The following EML1 variants were observed in gnomAD, a reference collection of about 807,000 sequenced individuals.
The protein encoded by EML1 is echinoderm microtubule-associated protein-like 1.
A neutral mutation model predicts 110.4 loss-of-function variants in EML1; 27 were observed. The observed-to-expected ratio is 0.24, with a 90% CI of 0.18 to 0.34. EML1 has a LOEUF of 0.34. EML1 is among the 10% of genes least tolerant of loss of function. The pLI is 1.00. For synonymous variants in EML1, 344 were observed against 385.8 expected, an observed-to-expected ratio of 0.89 and a Z score of 1.27; for missense variants, 741 against 1,030.9, an observed-to-expected ratio of 0.72 and a Z score of 3.85.
chr14:99,826,091 G>T (rs868000775), intron 1 of EML1, among the ~76,000 whole-genome samples: 3 of 146,986 alleles, frequency 2.0e-5, no homozygotes, highest in Non-Finnish European at 4.5e-5. Flanking sequence ...TTTAAAGTCT[G>T]CTTCTGTGCA....
In EML1 at chr14:99,897,205, C is replaced by A. The variant is rs146448225; in HGVS notation, c.738C>A (p.Thr246=). 6.2e-7 allele frequency: 1 copy of A among 1,612,638 alleles called. No individual in the cohort carries two copies. Among genetic ancestry groups the A allele is most frequent in the African/African-American group, 1.3e-5 (1 of 74,742 alleles). Residue 246 remains threonine, a synonymous_variant, in exon 7 of 22, where the codon ACC becomes ACA. Coordinates refer to ENST00000262233, the MANE Select transcript of EML1 (RefSeq NM_004434.3). ...NNLYLLPTGE[T]VYFIASVVVL... ...TGTACTTGCTTCCGACGGGAGAGACCGTCTACTTCATCGCATCCGTGGTGG... is the reference window on the plus strand; with the variant it reads ...TGTACTTGCTTCCGACGGGAGAGACAGTCTACTTCATCGCATCCGTGGTGG...
intron 1 of EML1, among the ~76,000 whole-genome samples, chr14:99,802,872 A>G (rs577454706): frequency 1.3e-5 from 2 of 152,238 alleles, no homozygotes; most frequent in African/African-American, 4.8e-5. Context: ...GCCTCCTGCA[A>G]GACAGATCCA....
chr14:99,817,174 A>C (rs768972639), intron 1 of EML1, among the ~76,000 whole-genome samples: 3 of 152,136 alleles, frequency 2.0e-5, no homozygotes, highest in Non-Finnish European at 4.4e-5. Context: ...GGCTTACTAC[A>C]TTCATTTTTT....
At chr14:99,804,236 C>T (rs752876463) in intron 1 of EML1, among the ~76,000 whole-genome samples, 7 of 152,134 alleles carry the variant, frequency 4.6e-5, no homozygotes, top group East Asian at 1.9e-4. Flanking sequence ...TCTTACGCCA[C>T]GGAGTTATTT....
chr14:99,856,289 A>G (rs1330699262), intron 2 of EML1, among the ~76,000 whole-genome samples: 3 of 151,968 alleles, frequency 2.0e-5, no homozygotes, highest in African/African-American at 7.3e-5. Flanking sequence ...ATTAAACCAA[A>G]TATTTAAAAC....
chr14:99,917,743 A>G lies in EML1; in HGVS notation c.1753-39A>G, dbSNP rs375164932. The G allele has an allele frequency of 5.2e-5, 83 of 1,601,918 alleles. No individual in the cohort carries two copies. The African/African-American group carries it at 9.9e-4, about 19-fold the overall frequency. On this transcript the variant is annotated intron_variant, in intron 15 of 21. Transcript: ENST00000262233. ...TGTGTGTTTTATGCTATAGTGTTCT[A>G]TCTGTTCATCAATTTACACTTCCTT... is the stretch of plus-strand genomic sequence containing the variant.
rs891138940 is a variant in EML1, at chr14:99,909,551, G to C, written c.1239+72G>C. On this transcript the variant is annotated intron_variant, in intron 11 of 21. Transcript: ENST00000262233. ...GATTGGCTAGATGCATCTCTCTGGG[G>C]GCTCTGGTGATCAACACAATCCCTT... The C allele has an allele frequency of 1.5e-5, 24 of 1,588,342 alleles. No homozygotes were observed. The African/African-American group carries it at 2.3e-4, about 15-fold the overall frequency.
At chr14:99,828,895 C>T (rs537336799) in intron 1 of EML1, among the ~76,000 whole-genome samples, 16 of 152,194 alleles carry the variant, frequency 1.1e-4, no homozygotes, top group African/African-American at 3.1e-4. Context: ...TCTTCATCCT[C>T]GTCGTCTTCA....
chr14:99,758,273 C>T (rs1184767606), intron 1 of EML1, among the ~76,000 whole-genome samples: 17 of 152,180 alleles, frequency 1.1e-4, no homozygotes, highest in Admixed American at 6.5e-4. Flanking sequence ...AGACTGAGGG[C>T]CAGGAGGACA....
chr14:99,931,498 C>T (rs2060367216), intron 17 of EML1, among the ~76,000 whole-genome samples: 1 of 152,194 alleles, frequency 6.6e-6, no homozygotes, highest in Admixed American at 6.5e-5. Context: ...TGTCCTTCTG[C>T]CCTGAGCACC....
In EML1 at chr14:99,904,665, C is replaced by T. The variant is rs949828140; in HGVS notation, c.1009-2973C>T. Among the ~76,000 whole-genome samples the T allele has an allele frequency of 2.0e-5, 3 of 152,136 alleles. No individual in the cohort carries two copies. In the South Asian group the frequency reaches 6.2e-4, roughly 32 times the overall value. ...CTCATTCCCTAAGCCAGGAATTGAA[C>T]CCTGATCCCAGGCTGCCACTGTGAT... is the stretch of plus-strand genomic sequence containing the variant. On this transcript the variant is annotated intron_variant, in intron 9 of 21. Transcript: ENST00000262233.
rs11850402 is a variant in EML1 at position 99,939,758 on chromosome 14, G to A, written c.2323-229G>A. On this transcript the variant is annotated intron_variant, in intron 21 of 21. Transcript: ENST00000262233. This position sits in a 1 kb window ranked among gnomAD's most constrained non-coding sequence, Gnocchi z 4.2. ...ACCTCTGATACTGAGCATATCTCTC[G>A]GCTGAGGGCGGTCATTTGCTCGTGT... 7.9e-3 allele frequency among the ~76,000 whole-genome samples: 1,209 copies of A among 152,178 alleles called. 22 individuals carry two copies. Among genetic ancestry groups the A allele is most frequent in the African/African-American group, 0.026 (1,090 of 41,510 alleles).
At chr14:99,791,795 TC>T (rs902902896), upstream of EML1, among the ~76,000 whole-genome samples, 12 of 152,070 alleles carry the variant, frequency 7.9e-5, no homozygotes, top group South Asian at 1.9e-3. Context: ...TTCCTCCATC[TC>T]CCCCCAAGTC....
intron 1 of EML1, among the ~76,000 whole-genome samples, chr14:99,755,812 C>T (rs931620633): frequency 3.3e-5 from 5 of 152,074 alleles, no homozygotes; most frequent in Admixed American, 6.6e-5. Flanking sequence ...GGGGACCAAG[C>T]GGGAGCTGCA....
At chr14:99,820,650 C>T (rs1297285228) in intron 1 of EML1, among the ~76,000 whole-genome samples, 1 of 152,230 alleles carries the variant, frequency 6.6e-6, no homozygotes, top group South Asian at 2.1e-4. Flanking sequence ...TTCCTAACCA[C>T]AGCTTGTATA....
In EML1 at chr14:99,939,636, C is replaced by T. The variant is rs1054074123; in HGVS notation, c.2322+309C>T. The stretch of plus-strand genomic sequence containing the variant: ...CGCGCCAGCCCTGAGCCCTGGGACG[C>T]CCTTCTTCATCCTCCGTGATCCTGA... On this transcript the variant is annotated intron_variant, in intron 21 of 21. Coordinates refer to ENST00000262233, the MANE Select transcript of EML1 (RefSeq NM_004434.3). The surrounding 1 kb of genome is among the most constrained non-coding windows in gnomAD (Gnocchi z 4.2). Among the ~76,000 whole-genome samples, 2 of 152,166 alleles carry T rather than the reference C, an allele frequency of 1.3e-5. No individual in the cohort carries two copies. Among genetic ancestry groups the T allele is most frequent in the South Asian group, 2.1e-4 (1 of 4,830 alleles).
intron 9 of EML1, among the ~76,000 whole-genome samples, chr14:99,902,049 G>C (rs188457816): frequency 6.6e-6 from 1 of 152,136 alleles, no homozygotes; most frequent in Non-Finnish European, 1.5e-5. Flanking sequence ...AACTATTAGG[G>C]TCTCTTGTAT....
intron 8 of EML1, among the ~76,000 whole-genome samples, chr14:99,898,629 G>A (rs562199865): frequency 5.9e-5 from 9 of 152,074 alleles, no homozygotes; most frequent in East Asian, 1.9e-4. Flanking sequence ...TCACATGACC[G>A]TAGTCCCAGC....
upstream of EML1, among the ~76,000 whole-genome samples, chr14:99,770,639 G>A (rs1260867335): frequency 6.6e-6 from 1 of 152,048 alleles, no homozygotes; most frequent in Admixed American, 6.6e-5. Flanking sequence ...TTGTAAAACA[G>A]GGATGTTCCT....
Sources: gnomAD v4.1 joint callset for allele counts (sites outside exome capture counted in the v4.1 genomes callset) on GRCh38, gnomAD v4.1.1 for gene constraint, Gnocchi (gnomAD v3.1) non-coding constraint, MANE v1.5 for transcripts, NCBI Gene and HGNC (gene_info 2026-07-23, HGNC 2026-07-21) for gene names.